PHF3: variants seen among roughly 807,000 people sequenced by gnomAD.
The protein encoded by PHF3 is PHD finger protein 3.
A neutral mutation model predicts 178.4 loss-of-function variants in PHF3; 41 were observed. The observed-to-expected ratio is 0.23, with a 90% CI of 0.18 to 0.30. The LOEUF (loss-of-function observed/expected upper bound fraction) is 0.30. Among genes scored for constraint, PHF3 ranks in the 10% least tolerant of loss-of-function variants. The probability of loss-of-function intolerance (pLI) is 1.00; values close to 1 mark genes in which losing one functional copy is unlikely to be tolerated. For missense variants in PHF3, 2,346 were observed against 2,398.1 expected, an observed-to-expected ratio of 0.98 and a Z score of 0.45; for synonymous variants, 842 against 800.5, an observed-to-expected ratio of 1.05 and a Z score of -0.88.
chr6:63,635,945 G>A lies in PHF3; in HGVS notation c.-231G>A. 7.5e-6 allele frequency: 3 copies of A among 397,942 alleles called. No individual in the cohort carries two copies. The highest frequency in any genetic ancestry group is 1.3e-5 in the Non-Finnish European group (3 of 225,696). The allele number at this position is 397,942 out of a possible 1,614,324, so 24.7% of individuals were successfully genotyped here. Reference sequence around the variant, plus strand: ...CGGCGGCGGCTGCAACGAGGATTAGGAGGGCGGCGCGGAAGCCAAGAATAG... The same window carrying A: ...CGGCGGCGGCTGCAACGAGGATTAGAAGGGCGGCGCGGAAGCCAAGAATAG... On this transcript the variant is annotated 5_prime_UTR_variant, in exon 1 of 16. Coordinates refer to ENST00000262043, the MANE Select transcript of PHF3 (RefSeq NM_001370348.2).
At chr6:63,659,826 T>TATAAA (rs1303846916) in intron 2 of PHF3, among the ~76,000 whole-genome samples, 2 of 152,194 alleles carry the variant, frequency 1.3e-5, no homozygotes, top group Non-Finnish European at 2.9e-5. Flanking sequence ...CAACCTGTAC[T>TATAAA]ATTAATCTCA....
chr6:63,698,498 G>A lies in PHF3; in HGVS notation c.2875G>A (p.Ala959Thr), dbSNP rs1315624207. Residue 959 changes from alanine to threonine, a missense_variant, in exon 8 of 16, where the codon GCC (alanine) becomes ACC (threonine). This residue lies in a region of PHF3 where 252 missense variants were observed against 232.0 expected (regional missense o/e 1.09). Coordinates refer to ENST00000262043, the MANE Select transcript of PHF3 (RefSeq NM_001370348.2). Reference protein sequence around the residue: ...KVPEEKAAKVATKIEKELFSF... With the variant: ...KVPEEKAAKVTTKIEKELFSF... Reference sequence around the variant, plus strand: ...ACCAGAGGAAAAGGCAGCAAAAGTTGCCACAAAAATTGAGAAAGAGCTTTT... The same window carrying A: ...ACCAGAGGAAAAGGCAGCAAAAGTTACCACAAAAATTGAGAAAGAGCTTTT... 6.2e-7 allele frequency: 1 copy of A among 1,603,818 alleles called. No homozygotes were observed. Among genetic ancestry groups the A allele is most frequent in the Non-Finnish European group, 8.5e-7 (1 of 1,176,512 alleles).
At chr6:63,655,863 G>A (rs1400589130) in intron 2 of PHF3, among the ~76,000 whole-genome samples, 1 of 151,982 alleles carries the variant, frequency 6.6e-6, no homozygotes, top group Non-Finnish European at 1.5e-5. Flanking sequence ...GGCTGGTCTT[G>A]AACTCCTGGG....
At chr6:63,645,691 A>C (rs1256796155) in intron 1 of PHF3, among the ~76,000 whole-genome samples, 1 of 152,154 alleles carries the variant, frequency 6.6e-6, no homozygotes, top group Non-Finnish European at 1.5e-5. Context: ...GATTTAACTT[A>C]ATTGTTTTAA....
chr6:63,696,009 A>G (rs1767214435), intron 6 of PHF3, among the ~76,000 whole-genome samples: 1 of 152,200 alleles, frequency 6.6e-6, no homozygotes, highest in South Asian at 2.1e-4. Flanking sequence ...TTACTAGTGC[A>G]TAGCAGTTAG....
At chr6:63,664,899 GTTTT>G (rs968860478) in intron 2 of PHF3, among the ~76,000 whole-genome samples, 1 of 151,328 alleles carries the variant, frequency 6.6e-6, no homozygotes, top group African/African-American at 2.4e-5. Flanking sequence ...TATAATCTTA[GTTTT>G]TTTTGTTTTA....
intron 2 of PHF3, among the ~76,000 whole-genome samples, chr6:63,675,222 C>T (rs541363346): frequency 6.6e-6 from 1 of 152,026 alleles, no homozygotes; most frequent in Non-Finnish European, 1.5e-5. Context: ...AAATTTATTC[C>T]ATTTCTCAAC....
In PHF3 at chr6:63,685,081, T is replaced by C. The variant is rs749253375; in HGVS notation, c.1359T>C (p.Ala453=). The change falls in exon 4 of 16, where the codon GCT becomes GCC. Residue 453 remains alanine, a synonymous_variant. Transcript: ENST00000262043. ...VPDQNSKQLN[A]IESTKIESHE... ...ACCAAAATTCAAAACAGTTGAATGCTATAGAAAGTACTAAAATAGAGTCCC... is the reference window on the plus strand; with the variant it reads ...ACCAAAATTCAAAACAGTTGAATGCCATAGAAAGTACTAAAATAGAGTCCC... 2 of 1,613,992 alleles carry C rather than the reference T, an allele frequency of 1.2e-6. No individual in the cohort carries two copies. The highest frequency in any genetic ancestry group is 1.7e-6 in the Non-Finnish European group (2 of 1,179,952).
chr6:63,705,421 G>C (rs1767647914), intron 11 of PHF3, among the ~76,000 whole-genome samples: 1 of 152,212 alleles, frequency 6.6e-6, no homozygotes, highest in African/African-American at 2.4e-5. Context: ...GATACTGCCT[G>C]AGCTCCGCCT....
intron 1 of PHF3, among the ~76,000 whole-genome samples, chr6:63,645,904 C>A (rs942090488): frequency 2.0e-5 from 3 of 152,034 alleles, no homozygotes; most frequent in Non-Finnish European, 2.9e-5. Context: ...TGTTTGTGCA[C>A]ATCTTTGTGT....
chr6:63,705,772 G>A (rs1215999869), intron 11 of PHF3, among the ~76,000 whole-genome samples: 1 of 152,178 alleles, frequency 6.6e-6, no homozygotes, highest in East Asian at 1.9e-4. Flanking sequence ...GATTTGCTTT[G>A]AATTGCATTT....
chr6:63,637,119 A>G (rs549090302), intron 1 of PHF3, among the ~76,000 whole-genome samples: 7 of 152,356 alleles, frequency 4.6e-5, no homozygotes, highest in East Asian at 1.9e-4. Flanking sequence ...TCTGCATTAC[A>G]TGTAGCGATA....
chr6:63,701,537 ACTG>A (rs1177918693), intron 9 of PHF3, among the ~76,000 whole-genome samples: 1 of 152,194 alleles, frequency 6.6e-6, no homozygotes, highest in Non-Finnish European at 1.5e-5. Flanking sequence ...TCTAGAAAAT[ACTG>A]GTTGTAGTTC....
At chr6:63,653,304 A>G (rs1414311890) in intron 2 of PHF3, among the ~76,000 whole-genome samples, 1 of 151,774 alleles carries the variant, frequency 6.6e-6, no homozygotes, top group Non-Finnish European at 1.5e-5. Context: ...TCATTTTCAC[A>G]ATATTCTTCT....
chr6:63,723,647 GTTC>G lies in PHF3; in HGVS notation c.*9942_*9944del, dbSNP rs150979803. On this transcript the variant is annotated 3_prime_UTR_variant, in exon 16 of 16. Transcript: ENST00000262043. Reference sequence around the variant, plus strand: ...AGGATTATTTTAACTCAGCTAGTATGTTCTTACGAAAAATTGACAAAAAGTTTT... The same window carrying G: ...AGGATTATTTTAACTCAGCTAGTATGTTACGAAAAATTGACAAAAAGTTTT... Among the ~76,000 whole-genome samples the G allele has an allele frequency of 1.6e-3, 245 of 152,126 alleles. 1 individual carries two copies. The highest frequency in any genetic ancestry group is 5.6e-3 in the African/African-American group (233 of 41,530).
intron 2 of PHF3, among the ~76,000 whole-genome samples, chr6:63,656,589 C>T (rs1765243947): frequency 6.6e-6 from 1 of 152,142 alleles, no homozygotes; most frequent in Non-Finnish European, 1.5e-5. Flanking sequence ...AGATTTGTTG[C>T]CCAGAGCCCC....
rs1391709216 is a variant in PHF3, at chr6:63,679,995, T to TC, written c.245-4dup. The TC allele has an allele frequency of 6.2e-7, 1 of 1,606,902 alleles. No individual in the cohort carries two copies. Among genetic ancestry groups the TC allele is most frequent in the Non-Finnish European group, 8.5e-7 (1 of 1,176,658 alleles). ...AAAGTTAATTTTTTTGTCGTTTTTT[T>TC]CTAGTTGTTGGTCTTGACGATATTA... On this transcript the variant is annotated splice_region_variant and splice_polypyrimidine_tract_variant and intron_variant, in intron 2 of 15. Transcript: ENST00000262043.
chr6:63,692,084 C>T (rs531899079), intron 5 of PHF3, 41 bp downstream of exon 5: 1 of 1,385,832 alleles, frequency 7.2e-7, no homozygotes, highest in South Asian at 1.4e-5. Flanking sequence ...TATTTAAGAG[C>T]TTTTTGTATG....
In PHF3 at chr6:63,723,925, AG is replaced by A. The variant is rs1219888783; in HGVS notation, c.*10218del. ...CAACCTCCATCTCCCGGGCTGCCTC[AG>A]TTTCCCGAGTATCTGGGACTACAGG... On this transcript the variant is annotated 3_prime_UTR_variant, in exon 16 of 16. Coordinates refer to ENST00000262043, the MANE Select transcript of PHF3 (RefSeq NM_001370348.2). 6.6e-6 allele frequency among the ~76,000 whole-genome samples: 1 copy of A among 151,682 alleles called. No individual in the cohort carries two copies. Among genetic ancestry groups the A allele is most frequent in the East Asian group, 1.9e-4 (1 of 5,162 alleles).
Sources: allele counts gnomAD v4.1 joint callset (sites outside exome capture counted in the v4.1 genomes callset), GRCh38; gene constraint gnomAD v4.1.1; regional missense constraint gnomAD v4.1.1; transcripts MANE v1.5; gene names NCBI Gene and HGNC (gene_info 2026-07-23, HGNC 2026-07-21).